Variants in SLC6A11 observed in about 807,000 individuals in gnomAD.
SLC6A11 encodes sodium- and chloride-dependent GABA transporter 3.
Under a neutral mutation model 74.8 loss-of-function variants are expected in SLC6A11, and 25 were observed. The observed-to-expected ratio is 0.33, with a 90% CI of 0.24 to 0.47. The LOEUF (loss-of-function observed/expected upper bound fraction) is 0.47, where lower values mean the gene tolerates loss of function less well. Ranked by LOEUF, SLC6A11 falls within the 20% of genes least tolerant of loss-of-function variation. The pLI is 1.00. For synonymous variants in SLC6A11, 330 were observed against 330.2 expected (o/e 1.00, Z 0.01); for missense variants, 574 against 837.0 (o/e 0.69, Z 3.88).
At chr3:10,825,754 T>C (rs949386792) in intron 4 of SLC6A11, among the ~76,000 whole-genome samples, 1 of 152,240 alleles carries the variant, frequency 6.6e-6, no homozygotes, top group African/African-American at 2.4e-5. Context: ...TTTTAATATA[T>C]AAATAACCTA....
rs184725960 is a variant in SLC6A11 at position 10,907,753 on chromosome 3, A to G, written c.892-4337A>G. Among the ~76,000 whole-genome samples the G allele has an allele frequency of 2.6e-5, 4 of 152,356 alleles. No individual in the cohort carries two copies. In the East Asian group the frequency reaches 7.7e-4, roughly 29 times the overall value. Reference sequence around the variant, plus strand: ...ACTCAGGAAAAGAAAAAGAGAGCCAAGGATTTTATATACAGCCAAATTGCC... The same window carrying G: ...ACTCAGGAAAAGAAAAAGAGAGCCAGGGATTTTATATACAGCCAAATTGCC... On this transcript the variant is annotated intron_variant, in intron 6 of 13. Coordinates refer to ENST00000254488, the MANE Select transcript of SLC6A11 (RefSeq NM_014229.3).
chr3:10,835,224 C>A (rs1694351440), intron 4 of SLC6A11, among the ~76,000 whole-genome samples: 1 of 152,188 alleles, frequency 6.6e-6, no homozygotes, highest in African/African-American at 2.4e-5. Context: ...ATGTGGGAAA[C>A]CTGTAGGGCA....
intron 5 of SLC6A11, among the ~76,000 whole-genome samples, chr3:10,847,669 A>G (rs147142804): frequency 1.4e-3 from 217 of 152,288 alleles, no homozygotes; most frequent in African/African-American, 4.9e-3. Flanking sequence ...CTCGTTATTA[A>G]TGATGAGGTT....
intron 10 of SLC6A11, among the ~76,000 whole-genome samples, chr3:10,932,469 G>A (rs1055990181): frequency 3.3e-5 from 5 of 152,072 alleles, no homozygotes; most frequent in African/African-American, 2.4e-5. Context: ...TTAATTGTGA[G>A]CCCACAAAAC....
At chr3:10,892,024 G>C (rs1017913315) in intron 6 of SLC6A11, among the ~76,000 whole-genome samples, 12 of 152,264 alleles carry the variant, frequency 7.9e-5, no homozygotes, top group South Asian at 2.1e-4. Flanking sequence ...CTCCTCCATA[G>C]TTGGGAAGAA....
chr3:10,908,830 C>T (rs1695346183), intron 6 of SLC6A11, among the ~76,000 whole-genome samples: 1 of 148,474 alleles, frequency 6.7e-6, no homozygotes, highest in African/African-American at 2.5e-5. Context: ...GGCTCATACC[C>T]TCTGGGTTTT....
At chr3:10,908,844 A>T (rs80006375) in intron 6 of SLC6A11, among the ~76,000 whole-genome samples, 19,788 of 152,046 alleles carry the variant, frequency 0.13, 1,544 homozygotes, top group South Asian at 0.21. Context: ...GGGTTTTTCT[A>T]AGAGCTAAAT....
intron 5 of SLC6A11, among the ~76,000 whole-genome samples, chr3:10,869,849 G>A (rs1211289270): frequency 6.6e-6 from 1 of 152,160 alleles, no homozygotes; most frequent in East Asian, 1.9e-4. Flanking sequence ...GGTGATGAAT[G>A]GCACCAGCAA....
In SLC6A11 at chr3:10,819,803, C is replaced by T; in HGVS notation, c.483C>T (p.Cys161=). The change falls in exon 3 of 14, where the codon TGC becomes TGT. Residue 161 remains cysteine (C), a synonymous_variant. Coordinates refer to ENST00000254488, the MANE Select transcript of SLC6A11 (RefSeq NM_014229.3). ...GGGCCATTTTTTACCTGAGCAACTG[C>T]TTCACTACTGAGCTACCCTGGGCTA... is the stretch of plus-strand genomic sequence containing the variant. The part of the protein sequence containing the change: ...LAWAIFYLSN[C]FTTELPWATC... 1 of 1,614,260 alleles carries T rather than the reference C, an allele frequency of 6.2e-7. No homozygotes were observed. Among genetic ancestry groups the T allele is most frequent in the Non-Finnish European group, 8.5e-7 (1 of 1,180,050 alleles).
intron 6 of SLC6A11, among the ~76,000 whole-genome samples, chr3:10,890,352 A>G (rs1695093100): frequency 6.6e-6 from 1 of 152,192 alleles, no homozygotes; most frequent in African/African-American, 2.4e-5. Context: ...TGCCCACTGA[A>G]GAGTCAAGAC....
In SLC6A11 at chr3:10,940,520, G is replaced by A. The variant is rs1266527461; in HGVS notation, c.*2118G>A. The A allele has an allele frequency of 6.6e-6, 1 of 152,062 alleles. No individual in the cohort carries two copies. The highest frequency in any genetic ancestry group is 1.5e-5 in the Non-Finnish European group (1 of 68,016). The allele number at this position is 152,062 out of a possible 1,614,324, so 9.4% of individuals were successfully genotyped here. Reference sequence around the variant, plus strand: ...TTGGGGGTGGGGAGGGCAATGTGGGGGCAGGGGAACATGTCATTGTGATGA... The same window carrying A: ...TTGGGGGTGGGGAGGGCAATGTGGGAGCAGGGGAACATGTCATTGTGATGA... On this transcript the variant is annotated 3_prime_UTR_variant, in exon 14 of 14. Transcript: ENST00000254488.
At position 10,937,681 on chromosome 3, in the gene SLC6A11, C is replaced by T. The variant is rs116653606; in HGVS notation, c.1747-569C>T. Among the ~76,000 whole-genome samples, 194 of 152,290 alleles carry T rather than the reference C, an allele frequency of 1.3e-3. 1 individual carries two copies. Among genetic ancestry groups the T allele is most frequent in the African/African-American group, 4.4e-3 (183 of 41,548 alleles). On this transcript the variant is annotated intron_variant, in intron 13 of 13. Coordinates refer to ENST00000254488, the MANE Select transcript of SLC6A11 (RefSeq NM_014229.3). ...ATCCATCAGAGCCAGCCAGCTGGTG[C>T]GGGCTGCTTTGCAAGGCAGGCTGAG...
intron 7 of SLC6A11, among the ~76,000 whole-genome samples, chr3:10,912,994 A>G (rs1461903340): frequency 2.6e-5 from 4 of 152,002 alleles, no homozygotes; most frequent in Non-Finnish European, 5.9e-5. Flanking sequence ...AAGACCATGG[A>G]ATCATGACAG....
chr3:10,908,008 G>A (rs1426139268), intron 6 of SLC6A11, among the ~76,000 whole-genome samples: 1 of 152,158 alleles, frequency 6.6e-6, no homozygotes, highest in Non-Finnish European at 1.5e-5. Context: ...GTGCATGCCT[G>A]TAGTCACAGC....
intron 4 of SLC6A11, among the ~76,000 whole-genome samples, chr3:10,841,554 C>A (rs78772748): frequency 6.6e-6 from 1 of 152,322 alleles, no homozygotes; most frequent in African/African-American, 2.4e-5. Context: ...AACAAAAGAG[C>A]AATTCATCCT....
At chr3:10,820,038 A>G (rs1694117998) in intron 3 of SLC6A11, among the ~76,000 whole-genome samples, 186 bp downstream of exon 3, 1 of 152,198 alleles carries the variant, frequency 6.6e-6, no homozygotes, top group South Asian at 2.1e-4. Context: ...TGCAGCCCTA[A>G]AGCCTGAGCT....
intron 6 of SLC6A11, among the ~76,000 whole-genome samples, chr3:10,911,655 A>C (rs1167202218): frequency 6.6e-6 from 1 of 152,090 alleles, no homozygotes; most frequent in Non-Finnish European, 1.5e-5. Flanking sequence ...CTTAAACATG[A>C]CTTACCTTGC....
chr3:10,918,313 C>T lies in SLC6A11; in HGVS notation c.996-16C>T, dbSNP rs377269652. The T allele has an allele frequency of 6.0e-5, 94 of 1,573,400 alleles. No individual in the cohort carries two copies. The highest frequency in any genetic ancestry group is 1.2e-4 in the East Asian group (5 of 41,976). On this transcript the variant is annotated splice_polypyrimidine_tract_variant and intron_variant, in intron 7 of 13. Coordinates refer to ENST00000254488, the MANE Select transcript of SLC6A11 (RefSeq NM_014229.3). The surrounding 1 kb of genome is among the most constrained non-coding windows in gnomAD (Gnocchi z 4.5). ...TGCCCGCTCTGACCCTAGTGCCTCTCGCTGCTTCCCCACAGGGACTGCATC... is the reference window on the plus strand; with the variant it reads ...TGCCCGCTCTGACCCTAGTGCCTCTTGCTGCTTCCCCACAGGGACTGCATC...
Position 10,844,344 on chromosome 3 carries a change from A to G in SLC6A11, c.754A>G (p.Lys252Glu). ...CIWKGTKSTG[K>E]VVYVTATFPY... ...CTGGAAGGGGACCAAGTCTACAGGA[A>G]AGGTAAGAGGTCGATCTTCAAGCAG... The change falls in exon 5 of 14, where the codon AAG (lysine) becomes GAG (glutamate). Residue 252 changes from lysine to glutamate, a missense_variant and splice_region_variant. Transcript: ENST00000254488. 2 of 1,614,150 alleles carry G rather than the reference A, an allele frequency of 1.2e-6. No homozygotes were observed. Among genetic ancestry groups the G allele is most frequent in the Non-Finnish European group, 1.7e-6 (2 of 1,180,014 alleles).
Sources: allele counts gnomAD v4.1 joint callset (sites outside exome capture counted in the v4.1 genomes callset), GRCh38; gene constraint gnomAD v4.1.1; non-coding constraint Gnocchi (gnomAD v3.1); transcripts MANE v1.5; gene names NCBI Gene and HGNC (gene_info 2026-07-23, HGNC 2026-07-21).